Variants in TMEM108 observed in about 807,000 individuals in gnomAD.
TMEM108 encodes the protein transmembrane protein 108.
TMEM108 carries 12 observed loss-of-function variants against 35.1 expected under a neutral mutation model. That is an observed-to-expected ratio of 0.34 (90% confidence interval 0.22 to 0.55). The LOEUF (loss-of-function observed/expected upper bound fraction) is 0.55. TMEM108 is among the 20% of genes least tolerant of loss of function. The pLI, the probability that TMEM108 is intolerant of heterozygous loss-of-function variation, is 0.89. For missense variants in TMEM108, 680 were observed against 753.3 expected, an observed-to-expected ratio of 0.90 and a Z score of 1.14; for synonymous variants, 287 against 308.6, an observed-to-expected ratio of 0.93 and a Z score of 0.73.
intron 3 of TMEM108, among the ~76,000 whole-genome samples, chr3:133,266,940 C>T (rs1576422193): frequency 7.2e-6 from 1 of 139,340 alleles, no homozygotes; most frequent in Non-Finnish European, 1.5e-5. Context: ...AAAAGCCGGG[C>T]GTGGTGGCAG....
At chr3:133,059,486 C>G (rs1943511604) in intron 2 of TMEM108, among the ~76,000 whole-genome samples, 1 of 152,112 alleles carries the variant, frequency 6.6e-6, no homozygotes, top group South Asian at 2.1e-4. Context: ...TTTCTTATAA[C>G]TCTGTGAAGA....
chr3:133,278,767 A>T (rs79119864), intron 3 of TMEM108, among the ~76,000 whole-genome samples: 2,287 of 152,336 alleles, frequency 0.015, 68 homozygotes, highest in African/African-American at 0.052. Flanking sequence ...ACATGGAGAC[A>T]ATTGGTAAAC....
intron 2 of TMEM108, among the ~76,000 whole-genome samples, chr3:133,202,252 A>G (rs900685987): frequency 1.3e-5 from 2 of 152,048 alleles, no homozygotes; most frequent in African/African-American, 2.4e-5. Context: ...TTGCCTGTTC[A>G]CTCTGATGAT....
At chr3:133,202,737 G>C (rs1170046281) in intron 2 of TMEM108, among the ~76,000 whole-genome samples, 1 of 152,116 alleles carries the variant, frequency 6.6e-6, no homozygotes, top group Non-Finnish European at 1.5e-5. Flanking sequence ...GATGCCTCCA[G>C]CTTTATTCTT....
At position 133,165,591 on chromosome 3, in the gene TMEM108, T is replaced by TA. The variant is rs1401344020; in HGVS notation, c.-46-63669dup. Among the ~76,000 whole-genome samples the TA allele has an allele frequency of 3.3e-5, 5 of 152,218 alleles. 1 individual carries two copies. Among genetic ancestry groups the TA allele is most frequent in the African/African-American group, 1.2e-4 (5 of 41,450 alleles). On this transcript the variant is annotated intron_variant, in intron 2 of 5. Coordinates refer to ENST00000321871, the MANE Select transcript of TMEM108 (RefSeq NM_023943.4). The stretch of plus-strand genomic sequence containing the variant: ...TGTGTTTCAGTCTGTTTTGGCACCT[T>TA]AAAAAACACACAGTTTATAAATTTA...
intron 3 of TMEM108, among the ~76,000 whole-genome samples, chr3:133,255,856 G>T (rs370096197): frequency 6.6e-6 from 1 of 152,212 alleles, no homozygotes; most frequent in Admixed American, 6.5e-5. Flanking sequence ...AGGCATGGTG[G>T]TGCACGCCTG....
In TMEM108 at chr3:133,080,092, G is replaced by A. The variant is rs550029926; in HGVS notation, c.-47+34072G>A. ...GGTAGATGCTTGATAAAATAGTGCTGTATGCTAAAGTGAGCTGCCTAAGCT... is the reference window on the plus strand; with the variant it reads ...GGTAGATGCTTGATAAAATAGTGCTATATGCTAAAGTGAGCTGCCTAAGCT... On this transcript the variant is annotated intron_variant, in intron 2 of 5. Coordinates refer to ENST00000321871, the MANE Select transcript of TMEM108 (RefSeq NM_023943.4). 2.4e-4 allele frequency among the ~76,000 whole-genome samples: 36 copies of A among 152,010 alleles called. 1 individual carries two copies. The South Asian group carries it at 7.5e-3, about 32-fold the overall frequency.
At chr3:133,177,275 A>T (rs1175585242) in intron 2 of TMEM108, among the ~76,000 whole-genome samples, 3 of 152,192 alleles carry the variant, frequency 2.0e-5, no homozygotes. Context: ...AAACTATTCC[A>T]ATCAATAGAA....
chr3:133,389,900 A>G (rs958073584), intron 4 of TMEM108, among the ~76,000 whole-genome samples: 1 of 142,256 alleles, frequency 7.0e-6, no homozygotes. Context: ...CTATATAACT[A>G]TTAACACAGG....
intron 2 of TMEM108, among the ~76,000 whole-genome samples, chr3:133,216,759 A>G (rs1945915273): frequency 6.6e-6 from 1 of 152,100 alleles, no homozygotes; most frequent in East Asian, 1.9e-4. Flanking sequence ...AATGACAGGA[A>G]TTGCTTCTTT....
intron 2 of TMEM108, among the ~76,000 whole-genome samples, chr3:133,156,593 A>G (rs934858361): frequency 6.6e-6 from 1 of 152,202 alleles, no homozygotes; most frequent in African/African-American, 2.4e-5. Context: ...TGCAGATAGA[A>G]CCCAAACTAC....
At chr3:133,348,431 GGAA>G (rs1576481286) in intron 3 of TMEM108, among the ~76,000 whole-genome samples, 2 of 152,130 alleles carry the variant, frequency 1.3e-5, no homozygotes, top group Non-Finnish European at 2.9e-5. Context: ...TGGTTTCTCA[GGAA>G]ACCTTGGGGA....
intron 2 of TMEM108, among the ~76,000 whole-genome samples, chr3:133,136,388 T>C (rs1944564731): frequency 6.6e-6 from 1 of 152,174 alleles, no homozygotes; most frequent in African/African-American, 2.4e-5. Context: ...ATTAGAAAAG[T>C]ATTTGCAGGG....
intron 3 of TMEM108, among the ~76,000 whole-genome samples, chr3:133,332,466 A>G (rs896688228): frequency 6.6e-6 from 1 of 152,186 alleles, no homozygotes; most frequent in African/African-American, 2.4e-5. Context: ...AAGCTGGGAG[A>G]GTTGTAATAT....
intron 2 of TMEM108, among the ~76,000 whole-genome samples, chr3:133,224,169 T>C (rs1287448285): frequency 6.6e-6 from 1 of 151,710 alleles, no homozygotes; most frequent in Non-Finnish European, 1.5e-5. Context: ...TCATTCATTG[T>C]TTATTTACTA....
intron 2 of TMEM108, among the ~76,000 whole-genome samples, 183 bp from the exon 3 acceptor site, chr3:133,229,083 T>C (rs1946115029): frequency 6.6e-6 from 1 of 152,220 alleles, no homozygotes; most frequent in Non-Finnish European, 1.5e-5. Context: ...GACCAGTTGA[T>C]TAGTTGGTAA....
At chr3:133,215,627 T>A (rs1262087748) in intron 2 of TMEM108, among the ~76,000 whole-genome samples, 1 of 152,148 alleles carries the variant, frequency 6.6e-6, no homozygotes, top group Admixed American at 6.5e-5. Context: ...GTTTTTTTCA[T>A]TTTTACTTTT....
intron 2 of TMEM108, among the ~76,000 whole-genome samples, chr3:133,153,312 G>A (rs1350789824): frequency 6.6e-6 from 1 of 151,478 alleles, no homozygotes; most frequent in African/African-American, 2.4e-5. Flanking sequence ...TCTGAGTTCA[G>A]TTGGCTCAAG....
At chr3:133,160,684 C>T (rs1408253615) in intron 2 of TMEM108, among the ~76,000 whole-genome samples, 1 of 152,220 alleles carries the variant, frequency 6.6e-6, no homozygotes, top group East Asian at 1.9e-4. Context: ...CACTGCTAAC[C>T]TATCTGTGCC....
Sources: gnomAD v4.1 joint callset for allele counts (sites outside exome capture counted in the v4.1 genomes callset) on GRCh38, gnomAD v4.1.1 for gene constraint, MANE v1.5 for transcripts, NCBI Gene and HGNC (gene_info 2026-07-23, HGNC 2026-07-21) for gene names.